Variants in ECHDC2 observed in about 807,000 individuals in gnomAD.
The protein encoded by ECHDC2 is enoyl-CoA hydratase domain-containing protein 2, mitochondrial.
Under a neutral mutation model 40.6 loss-of-function variants are expected in ECHDC2, and 34 were observed. That is an observed-to-expected ratio of 0.84 (90% CI 0.64 to 1.11). The LOEUF (loss-of-function observed/expected upper bound fraction) is 1.11. Among genes scored for constraint, ECHDC2 ranks in the 50% most tolerant of loss-of-function variants. The pLI is 0.00. For synonymous variants in ECHDC2, 162 were observed against 166.6 expected, an observed-to-expected ratio of 0.97 and a Z score of 0.21; for missense variants, 392 against 400.7, an observed-to-expected ratio of 0.98 and a Z score of 0.19.
In ECHDC2 at chr1:52,896,525, T is replaced by G; in HGVS notation, c.874A>C (p.Lys292Gln). 1 of 1,614,026 alleles carries G rather than the reference T, an allele frequency of 6.2e-7. No individual in the cohort carries two copies. The highest frequency in any genetic ancestry group is 8.5e-7 in the Non-Finnish European group (1 of 1,179,852). The change falls in exon 10 of 10, where the codon AAA becomes CAA. Residue 292 changes from lysine (K) to glutamine (Q), a missense_variant. Transcript: ENST00000371522. ...GCTGAAGGTTAAAATGGGGGTCATT[T>G]GCCAACAAATTTGGGAGTCCGCTTC... ...REKRTPKFVG[K>Q]
intron 1 of ECHDC2, chr1:52,911,991 G>A: frequency 7.0e-7 from 1 of 1,427,046 alleles, no homozygotes; most frequent in Non-Finnish European, 9.1e-7. Flanking sequence ...TGCTCTTTCT[G>A]CCTCAGAGAG....
intron 1 of ECHDC2, chr1:52,917,519 A>G: frequency 2.2e-6 from 1 of 455,764 alleles, no homozygotes; most frequent in Non-Finnish European, 4.4e-6. Context: ...GGGCACAGCT[A>G]GAGCAAAACA....
At chr1:52,908,929 C>CA (rs34090739) in intron 3 of ECHDC2, among the ~76,000 whole-genome samples, 4,171 of 39,078 alleles carry the variant, frequency 0.11, 46 homozygotes, top group Non-Finnish European at 0.19. Flanking sequence ...GACAGAGTCT[C>CA]AAAAAAAAAA....
rs532397646 is a variant in ECHDC2, at chr1:52,906,584, G to A, written c.392C>T (p.Ala131Val). The A allele has an allele frequency of 3.7e-5, 59 of 1,612,410 alleles. 1 individual carries two copies. In the South Asian group the frequency reaches 6.5e-4, roughly 18 times the overall value. Residue 131 changes from alanine to valine, a missense_variant, in exon 5 of 10, where the codon GCT (alanine) becomes GTT (valine). By Grantham distance (64) the Ala-to-Val change is moderately conservative. Transcript: ENST00000371522. ...TCCGCCCAAGGCAAACCCATCCATA[G>A]CCGCAATGGTGGGTGCAGGGAAGGC... Reference protein sequence around the residue: ...IAAFPAPTIAAMDGFALGGGL... With the variant: ...IAAFPAPTIAVMDGFALGGGL...
intron 5 of ECHDC2, 28 bp downstream of exon 5, chr1:52,906,491 C>T (rs1176328457): frequency 3.2e-6 from 5 of 1,569,278 alleles, no homozygotes; most frequent in East Asian, 2.3e-5. Context: ...CCTAGCCCCA[C>T]CCCCTGCCCC....
At chr1:52,901,502 GAC>G (rs1646993379) in intron 7 of ECHDC2, 1 of 152,204 alleles carries the variant, frequency 6.6e-6, no homozygotes, top group Admixed American at 6.5e-5. Flanking sequence ...TGTGGATATT[GAC>G]AGTTTTTTTC....
At position 52,896,463 on chromosome 1, in the gene ECHDC2, C is replaced by G. The variant is rs1213955074; in HGVS notation, c.*57G>C. On this transcript the variant is annotated 3_prime_UTR_variant, in exon 10 of 10. Transcript: ENST00000371522. ...GAAGGCAATCTGGCCACAAATCTTC[C>G]TTCTGGATCCTGCTCTTCAGGGCAT... is the stretch of plus-strand genomic sequence containing the variant. 4.3e-6 allele frequency: 6 copies of G among 1,405,316 alleles called. No individual in the cohort carries two copies. In the African/African-American group the frequency reaches 8.5e-5, roughly 20 times the overall value. 87.1% of individuals were successfully genotyped at this position (1,405,316 alleles called of 1,614,324 possible).
intron 1 of ECHDC2, chr1:52,912,132 A>C: frequency 1.1e-5 from 9 of 812,746 alleles, no homozygotes; most frequent in Non-Finnish European, 1.3e-5. Context: ...ACATGCACCC[A>C]TGTACCTTCT....
At position 52,907,856 on chromosome 1, in the gene ECHDC2, C is replaced by T. The variant is rs928553442; in HGVS notation, c.364+12G>A. ...CCAAACCCCCTCCTCCACCCCACAC[C>T]CAGATCCTCACCGATGTCATTCATC... is the stretch of plus-strand genomic sequence containing the variant. On this transcript the variant is annotated intron_variant, in intron 4 of 9. Transcript: ENST00000371522. 1 of 1,612,268 alleles carries T rather than the reference C, an allele frequency of 6.2e-7. No homozygotes were observed. Among genetic ancestry groups the T allele is most frequent in the Non-Finnish European group, 8.5e-7 (1 of 1,178,646 alleles).
intron 3 of ECHDC2, 114 bp downstream of exon 3, chr1:52,911,452 C>T (rs1240201036): frequency 2.7e-5 from 27 of 998,276 alleles, no homozygotes; most frequent in African/African-American, 9.5e-5. Flanking sequence ...GCATTCACAT[C>T]GGTAAAATGG....
At chr1:52,906,735 C>A in intron 4 of ECHDC2, 124 bp from the exon 5 acceptor site, 13 of 567,348 alleles carry the variant, frequency 2.3e-5, no homozygotes, top group Non-Finnish European at 3.5e-5. Context: ...GGGGACATTA[C>A]ATGGAACCTC....
intron 1 of ECHDC2, among the ~76,000 whole-genome samples, chr1:52,918,111 C>G (rs1390923221): frequency 6.6e-6 from 1 of 152,156 alleles, no homozygotes; most frequent in Non-Finnish European, 1.5e-5. Flanking sequence ...ACAGCCTTGA[C>G]CTCCCCGGCT....
At chr1:52,907,839 C>G in intron 4 of ECHDC2, 29 bp downstream of exon 4, 1 of 1,591,304 alleles carries the variant, frequency 6.3e-7, no homozygotes, top group Non-Finnish European at 8.6e-7. Flanking sequence ...CCCCAAACCC[C>G]CTCCTCCACC....
Position 52,914,570 on chromosome 1 carries a change from C to T in ECHDC2, c.122-2780G>A, listed in dbSNP as rs1208827103. On this transcript the variant is annotated intron_variant, in intron 1 of 9. Coordinates refer to ENST00000371522, the MANE Select transcript of ECHDC2 (RefSeq NM_001198961.2). This position sits in a 1 kb window ranked among gnomAD's most constrained non-coding sequence, Gnocchi z 4.0. ...TAACACACGCCTGCCTCCTGTACAC[C>T]CAGGGCTCCCGTGTGTGCCCAGGAG... Among the ~76,000 whole-genome samples the T allele has an allele frequency of 2.0e-5, 3 of 152,118 alleles. No individual in the cohort carries two copies. In the East Asian group the frequency reaches 5.8e-4, roughly 29 times the overall value.
At chr1:52,896,658 G>T in intron 9 of ECHDC2, 61 bp from the exon 10 acceptor site, 4 of 1,390,818 alleles carry the variant, frequency 2.9e-6, no homozygotes, top group Non-Finnish European at 4.1e-6. Flanking sequence ...AAAAAGAGTT[G>T]CTTAAGCTTG....
chr1:52,906,671 A>C, intron 4 of ECHDC2, 60 bp from the exon 5 acceptor site: 13 of 1,428,932 alleles, frequency 9.1e-6, no homozygotes, highest in Non-Finnish European at 1.2e-5. Flanking sequence ...ACAGAGACTC[A>C]AGGCTGGGGA....
intron 1 of ECHDC2, among the ~76,000 whole-genome samples, chr1:52,920,213 A>G (rs565004565): frequency 6.6e-6 from 1 of 152,326 alleles, no homozygotes; most frequent in East Asian, 1.9e-4. Context: ...GTTCAAGGAA[A>G]TTCTCACCAA....
intron 4 of ECHDC2, 146 bp from the exon 5 acceptor site, chr1:52,906,757 C>T (rs1196099234): frequency 4.6e-6 from 2 of 434,180 alleles, no homozygotes. Context: ...GCCAGGTTAT[C>T]TTAATTCTTT....
chr1:52,912,024 G>C, intron 1 of ECHDC2: 1 of 1,414,886 alleles, frequency 7.1e-7, no homozygotes, highest in Non-Finnish European at 9.2e-7. Context: ...CTTGTAAACT[G>C]TGAAGCAAAA....
Sources: gnomAD v4.1 joint callset for allele counts (sites outside exome capture counted in the v4.1 genomes callset) on GRCh38, gnomAD v4.1.1 for gene constraint, Gnocchi (gnomAD v3.1) non-coding constraint, MANE v1.5 for transcripts, NCBI Gene and HGNC (gene_info 2026-07-23, HGNC 2026-07-21) for gene names.